Variants in CEP63 observed in about 807,000 individuals in gnomAD.
The protein encoded by CEP63 is centrosomal protein of 63 kDa.
A neutral mutation model predicts 89.1 loss-of-function variants in CEP63; 84 were observed. The ratio of observed to expected loss-of-function variants is 0.94; its 90% CI spans 0.79 to 1.13. The LOEUF (loss-of-function observed/expected upper bound fraction) is 1.13, where lower values mean the gene tolerates loss of function less well. CEP63 is among the 50% of genes most tolerant of loss of function. CEP63 has a pLI of 0.00. For synonymous variants in CEP63, 267 were observed against 272.5 expected (o/e 0.98, Z 0.20); for missense variants, 838 against 813.3 (o/e 1.03, Z -0.37).
At chr3:134,521,424 T>C (rs1479062297) in intron 3 of CEP63, among the ~76,000 whole-genome samples, 1 of 120,126 alleles carries the variant, frequency 8.3e-6, no homozygotes, top group East Asian at 2.5e-4. Context: ...GTGTATTTTT[T>C]CCCATGGGTA....
At chr3:134,761,166 A>G in the CEP63 span, among the ~76,000 whole-genome samples, 2 of 152,084 alleles carry the variant, frequency 1.3e-5, no homozygotes, top group African/African-American at 2.4e-5. Context: ...CCACTGTTCT[A>G]TTTCATTTAA....
Position 134,546,130 on chromosome 3 carries a change from A to T in CEP63, c.790-19A>T. 6.2e-7 allele frequency: 1 copy of T among 1,612,978 alleles called. No homozygotes were observed. Among genetic ancestry groups the T allele is most frequent in the South Asian group, 1.1e-5 (1 of 90,680 alleles). On this transcript the variant is annotated intron_variant, in intron 7 of 14. Coordinates refer to ENST00000675561, the MANE Select transcript of CEP63 (RefSeq NM_001353108.3). ...ATTAAAAAGAAGGAAAATTATAATC[A>T]TATTTGACTTTTTTGCAGGCTCTGC... is the stretch of plus-strand genomic sequence containing the variant.
downstream of CEP63, among the ~76,000 whole-genome samples, chr3:134,591,442 G>A (rs906344543): frequency 3.3e-5 from 5 of 152,280 alleles, no homozygotes; most frequent in Admixed American, 1.3e-4. Flanking sequence ...AGATTCTGGC[G>A]CAAGCTAGGC....
At chr3:134,625,387 C>T in the CEP63 span, among the ~76,000 whole-genome samples, 1 of 152,254 alleles carries the variant, frequency 6.6e-6, no homozygotes. Context: ...ATTGTAGACT[C>T]TGAGAAGTCA....
At chr3:134,530,079 G>C (rs1307388044) in intron 3 of CEP63, among the ~76,000 whole-genome samples, 2 of 151,506 alleles carry the variant, frequency 1.3e-5, no homozygotes, top group Non-Finnish European at 2.9e-5. Flanking sequence ...TTCACCGTGT[G>C]AGCCAGGATG....
At chr3:134,512,052 A>T (rs1041890910) in intron 3 of CEP63, among the ~76,000 whole-genome samples, 5 of 152,200 alleles carry the variant, frequency 3.3e-5, no homozygotes, top group Admixed American at 6.5e-5. Context: ...CTTTCATAGT[A>T]CCAAGTCATT....
intron 9 of CEP63, 65 bp downstream of exon 9, chr3:134,547,537 TG>T: frequency 7.6e-7 from 1 of 1,314,382 alleles, no homozygotes; most frequent in South Asian, 1.2e-5. Context: ...ATCATCATAT[TG>T]TAAATGAATG....
the CEP63 span, among the ~76,000 whole-genome samples, chr3:134,721,248 C>CT: frequency 1.9e-3 from 278 of 147,532 alleles, no homozygotes; most frequent in Middle Eastern, 6.8e-3. Flanking sequence ...TTGTAAACAG[C>CT]TTTTTTAAAA....
chr3:134,636,940 T>G, the CEP63 span, among the ~76,000 whole-genome samples: 1 of 152,234 alleles, frequency 6.6e-6, no homozygotes, highest in African/African-American at 2.4e-5. Flanking sequence ...TTTTCCTCAT[T>G]GATTTTGTAA....
chr3:134,679,530 A>G, the CEP63 span, among the ~76,000 whole-genome samples: 1 of 152,144 alleles, frequency 6.6e-6, no homozygotes, highest in African/African-American at 2.4e-5. Context: ...TACTTCACCA[A>G]GTTAATTAGG....
At chr3:134,647,850 A>T in the CEP63 span, among the ~76,000 whole-genome samples, 1 of 152,176 alleles carries the variant, frequency 6.6e-6, no homozygotes, top group African/African-American at 2.4e-5. Context: ...CTATTTCTGT[A>T]TGTGGTGAAT....
the CEP63 span, among the ~76,000 whole-genome samples, chr3:134,775,733 T>C: frequency 1.3e-5 from 2 of 152,192 alleles, no homozygotes; most frequent in African/African-American, 4.8e-5. Context: ...CTTGACATTA[T>C]ATTCAAGTTC....
chr3:134,544,527 C>G (rs548893760), intron 6 of CEP63, among the ~76,000 whole-genome samples: 24 of 151,970 alleles, frequency 1.6e-4, no homozygotes, highest in African/African-American at 5.8e-4. Flanking sequence ...AACAAAAGAC[C>G]ACAATTTCCC....
At chr3:134,643,263 A>G in the CEP63 span, 1 of 1,557,892 alleles carries the variant, frequency 6.4e-7, no homozygotes, top group Non-Finnish European at 8.8e-7. Flanking sequence ...CCAGAGCATC[A>G]GGTCTGGGCA....
At chr3:134,518,790 G>A (rs992991119) in intron 3 of CEP63, among the ~76,000 whole-genome samples, 3 of 151,488 alleles carry the variant, frequency 2.0e-5, no homozygotes, top group Non-Finnish European at 4.4e-5. Flanking sequence ...AAATGAGAAA[G>A]AAAAGATGTA....
the CEP63 span, among the ~76,000 whole-genome samples, chr3:134,776,831 C>T: frequency 6.6e-6 from 1 of 152,130 alleles, no homozygotes; most frequent in Non-Finnish European, 1.5e-5. Context: ...ACTTGAGGTG[C>T]TAGAGGAACT....
chr3:134,565,150 T>G (rs1957696476), downstream of CEP63: 1 of 179,532 alleles, frequency 5.6e-6, no homozygotes, highest in Non-Finnish European at 1.1e-5. Flanking sequence ...AATGTTTTAT[T>G]GGGCAAGTCA....
the CEP63 span, among the ~76,000 whole-genome samples, chr3:134,668,329 G>A: frequency 2.6e-5 from 4 of 152,134 alleles, no homozygotes; most frequent in African/African-American, 7.2e-5. Flanking sequence ...TGTTTCTTGT[G>A]CAACCCTGGC....
the CEP63 span, among the ~76,000 whole-genome samples, chr3:134,643,914 C>G: frequency 6.6e-6 from 1 of 151,912 alleles, no homozygotes; most frequent in Admixed American, 6.6e-5. Flanking sequence ...GCAAGCTCCG[C>G]CTCCTGGGTT....
Sources: gnomAD v4.1 joint callset for allele counts (sites outside exome capture counted in the v4.1 genomes callset) on GRCh38, gnomAD v4.1.1 for gene constraint, MANE v1.5 for transcripts, NCBI Gene and HGNC (gene_info 2026-07-23, HGNC 2026-07-21) for gene names.